Variants in SLC4A4 observed in about 807,000 individuals in gnomAD.
The protein encoded by SLC4A4 is electrogenic sodium bicarbonate cotransporter 1.
SLC4A4 carries 27 observed loss-of-function variants against 111.5 expected under a neutral mutation model. The ratio of observed to expected loss-of-function variants is 0.24; its 90% CI spans 0.18 to 0.33. SLC4A4 has a LOEUF of 0.33. Among genes scored for constraint, SLC4A4 ranks in the 10% least tolerant of loss-of-function variants. SLC4A4 has a pLI of 1.00. For synonymous variants in SLC4A4, 443 were observed against 463.4 expected, an observed-to-expected ratio of 0.96 and a Z score of 0.57; for missense variants, 909 against 1,315.5, an observed-to-expected ratio of 0.69 and a Z score of 4.78.
At chr4:71,185,644 T>A (rs190050123), upstream of SLC4A4, among the ~76,000 whole-genome samples, 132 of 152,314 alleles carry the variant, frequency 8.7e-4, 3 homozygotes, top group Admixed American at 7.2e-3. Context: ...AGATAGAAAC[T>A]TTTTAAAAGA....
Position 71,526,397 on chromosome 4 carries a change from G to A in SLC4A4, c.2167-5665G>A, listed in dbSNP as rs192195001. On this transcript the variant is annotated intron_variant, in intron 16 of 25. Coordinates refer to ENST00000264485, the MANE Select transcript of SLC4A4 (RefSeq NM_001098484.3). ...TCACCCTGACTGTGATTTTTAATGA[G>A]GTTAAGCAACACTATTAATAGGGTG... Among the ~76,000 whole-genome samples, 191 of 152,080 alleles carry A rather than the reference G, an allele frequency of 1.3e-3. 1 individual carries two copies. The highest frequency in any genetic ancestry group is 4.4e-3 in the African/African-American group (181 of 41,518).
intron 3 of SLC4A4, among the ~76,000 whole-genome samples, chr4:71,281,629 T>C (rs1322517179): frequency 6.6e-6 from 1 of 152,224 alleles, no homozygotes; most frequent in Non-Finnish European, 1.5e-5. Context: ...AAAACCTTGA[T>C]ATGAGAAGTG....
At chr4:71,168,835 C>T (rs1418512533) in intron 2 of SLC4A4, among the ~76,000 whole-genome samples, 2 of 152,100 alleles carry the variant, frequency 1.3e-5, no homozygotes, top group Non-Finnish European at 2.9e-5. Flanking sequence ...ATATGTACCA[C>T]ACTTTATGCA....
chr4:71,109,625 C>A (rs770374378), intron 2 of SLC4A4, among the ~76,000 whole-genome samples: 24 of 152,040 alleles, frequency 1.6e-4, no homozygotes, highest in Non-Finnish European at 2.5e-4. Flanking sequence ...TCACTGCAAC[C>A]TATGCCTCTT....
intron 2 of SLC4A4, among the ~76,000 whole-genome samples, chr4:71,159,657 C>A (rs940650468): frequency 1.3e-5 from 2 of 152,184 alleles, no homozygotes; most frequent in Non-Finnish European, 2.9e-5. Context: ...AGCCACAGCA[C>A]CCAGCTAACT....
intron 3 of SLC4A4, among the ~76,000 whole-genome samples, chr4:71,335,639 C>A (rs1458318101): frequency 6.6e-6 from 1 of 152,112 alleles, no homozygotes; most frequent in Non-Finnish European, 1.5e-5. Flanking sequence ...TCCTGACTAA[C>A]ACGGTGAAAC....
chr4:71,503,525 C>G (rs564216623), intron 16 of SLC4A4, among the ~76,000 whole-genome samples: 1 of 152,008 alleles, frequency 6.6e-6, no homozygotes, highest in African/African-American at 2.4e-5. Flanking sequence ...AATTATAATA[C>G]TCTATTTTAA....
In SLC4A4 at chr4:71,567,034, A is replaced by G. The variant is rs145013450; in HGVS notation, c.3227A>G (p.His1076Arg). 183 of 1,610,328 alleles carry G rather than the reference A, an allele frequency of 1.1e-4. No homozygotes were observed. The highest frequency in any genetic ancestry group is 3.3e-4 in the Middle Eastern group (2 of 6,054). Residue 1076 changes from histidine (H) to arginine (R), a missense_variant, in exon 25 of 26, where the codon CAC becomes CGC. This residue lies in a region of SLC4A4 where 85 missense variants were observed against 79.8 expected (regional missense o/e 1.07). Transcript: ENST00000264485. ...RERSPTFLER[H>R]TSC Reference sequence around the variant, plus strand: ...AGATCACCAACATTCCTTGAACGCCACACATCATGCTGATAAAATTCCTTT... The same window carrying G: ...AGATCACCAACATTCCTTGAACGCCGCACATCATGCTGATAAAATTCCTTT...
intron 1 of SLC4A4, among the ~76,000 whole-genome samples, chr4:71,072,675 C>G (rs1469373575): frequency 6.6e-6 from 1 of 151,962 alleles, no homozygotes; most frequent in Non-Finnish European, 1.5e-5. Flanking sequence ...GAGAGAATTG[C>G]TGTCTTCATG....
chr4:71,546,511 A>G lies in SLC4A4; in HGVS notation c.2604A>G (p.Pro868=). Reference sequence around the variant, plus strand: ...AGACTTCTGCACCTGGAGAACAACCAAAGTTTCTAGGAGTGAGGTGTGTTA... The same window carrying G: ...AGACTTCTGCACCTGGAGAACAACCGAAGTTTCTAGGAGTGAGGTGTGTTA... ...ETETSAPGEQ[P]KFLGVREQRV... is the part of the protein sequence containing the mutation. Residue 868 remains proline, a synonymous_variant, in exon 19 of 26, where the codon CCA becomes CCG. Transcript: ENST00000264485. 1 of 1,612,328 alleles carries G rather than the reference A, an allele frequency of 6.2e-7. No individual in the cohort carries two copies. Among genetic ancestry groups the G allele is most frequent in the Admixed American group, 1.7e-5 (1 of 59,812 alleles).
intron 2 of SLC4A4, among the ~76,000 whole-genome samples, chr4:71,165,556 G>A (rs1744721522): frequency 6.6e-6 from 1 of 152,050 alleles, no homozygotes; most frequent in Non-Finnish European, 1.5e-5. Flanking sequence ...CCTGTCAGGG[G>A]GTGGGGGACT....
At chr4:71,192,970 T>C (rs1302550719) in intron 1 of SLC4A4, among the ~76,000 whole-genome samples, 1 of 152,228 alleles carries the variant, frequency 6.6e-6, no homozygotes, top group Non-Finnish European at 1.5e-5. Flanking sequence ...GTGTGACTTC[T>C]TTTGCTCAAC....
chr4:71,162,994 TG>T (rs914941290), intron 2 of SLC4A4, among the ~76,000 whole-genome samples: 41 of 152,274 alleles, frequency 2.7e-4, no homozygotes, highest in Admixed American at 2.7e-3. Flanking sequence ...TGACACAGAC[TG>T]GGGGTCAGGG....
chr4:71,080,350 T>G (rs1327958365), intron 1 of SLC4A4, among the ~76,000 whole-genome samples: 2 of 152,060 alleles, frequency 1.3e-5, no homozygotes, highest in Non-Finnish European at 2.9e-5. Context: ...TGTCAACTGA[T>G]GGGACCCCTT....
intron 20 of SLC4A4, among the ~76,000 whole-genome samples, chr4:71,552,719 T>C (rs970511510): frequency 6.6e-6 from 1 of 151,888 alleles, no homozygotes; most frequent in African/African-American, 2.4e-5. Context: ...CTGGGTATGA[T>C]TGGTTATCCA....
chr4:71,350,614 A>C (rs180924757), intron 5 of SLC4A4, among the ~76,000 whole-genome samples: 75 of 152,304 alleles, frequency 4.9e-4, no homozygotes, highest in African/African-American at 1.6e-3. Context: ...AAAAGAACCA[A>C]GTATATGTAC....
chr4:71,552,046 A>G (rs1736038842), intron 20 of SLC4A4, among the ~76,000 whole-genome samples: 1 of 151,886 alleles, frequency 6.6e-6, no homozygotes, highest in Non-Finnish European at 1.5e-5. Context: ...ACTGAGGACC[A>G]AGGAGAGTTC....
intron 7 of SLC4A4, among the ~76,000 whole-genome samples, chr4:71,409,058 C>G (rs750046820): frequency 3.3e-5 from 5 of 152,220 alleles, no homozygotes; most frequent in Admixed American, 2.0e-4. Flanking sequence ...TTTCACCTCC[C>G]TCCATGATTC....
At chr4:71,474,424 T>C (rs1162473156) in intron 14 of SLC4A4, among the ~76,000 whole-genome samples, 1 of 151,906 alleles carries the variant, frequency 6.6e-6, no homozygotes, top group African/African-American at 2.4e-5. Flanking sequence ...AGAATGCTTA[T>C]GAATTTAAAA....
Sources: allele counts gnomAD v4.1 joint callset (sites outside exome capture counted in the v4.1 genomes callset), GRCh38; gene constraint gnomAD v4.1.1; regional missense constraint gnomAD v4.1.1; transcripts MANE v1.5; gene names NCBI Gene and HGNC (gene_info 2026-07-23, HGNC 2026-07-21).